Variants in CTNNA2 observed in about 807,000 individuals in gnomAD.
CTNNA2 encodes catenin alpha-2.
CTNNA2 carries 42 observed loss-of-function variants against 101.0 expected under a neutral mutation model. That is an observed-to-expected ratio of 0.42 (90% CI 0.32 to 0.54). The LOEUF (loss-of-function observed/expected upper bound fraction) is 0.54. CTNNA2 is among the 20% of genes least tolerant of loss of function. The pLI, the probability that CTNNA2 is intolerant of heterozygous loss-of-function variation, is 0.14. For missense variants in CTNNA2, 871 were observed against 1,223.1 expected (o/e 0.71, Z 4.29); for synonymous variants, 450 against 456.4 (o/e 0.99, Z 0.18).
At chr2:79,720,506 A>T (rs1338718486) in intron 2 of CTNNA2, among the ~76,000 whole-genome samples, 5 of 152,158 alleles carry the variant, frequency 3.3e-5, no homozygotes, top group African/African-American at 1.2e-4. Flanking sequence ...AACAAAATTA[A>T]TTCTTCCAAT....
chr2:80,386,154 A>G (rs1476282255), intron 7 of CTNNA2, among the ~76,000 whole-genome samples: 1 of 152,174 alleles, frequency 6.6e-6, no homozygotes, highest in Non-Finnish European at 1.5e-5. Flanking sequence ...TTCTTTGAAA[A>G]TGGATGCAGC....
At chr2:79,866,674 AT>A (rs1682124541) in intron 4 of CTNNA2, 1 of 152,312 alleles carries the variant, frequency 6.6e-6, no homozygotes, top group African/African-American at 2.4e-5. Context: ...CAAGAGTAAG[AT>A]AAAAACCTTT....
intron 7 of CTNNA2, among the ~76,000 whole-genome samples, chr2:80,377,732 A>G (rs1676096603): frequency 6.6e-6 from 1 of 152,230 alleles, no homozygotes; most frequent in South Asian, 2.1e-4. Flanking sequence ...GGAGACTAAG[A>G]TGAACCTTGG....
chr2:80,634,325 A>G (rs1672628804), intron 18 of CTNNA2, among the ~76,000 whole-genome samples: 2 of 152,140 alleles, frequency 1.3e-5, no homozygotes, highest in Non-Finnish European at 2.9e-5. Context: ...TGATATTTGG[A>G]TAAAGTTCAG....
At chr2:79,654,205 G>A (rs1490526854) in intron 2 of CTNNA2, among the ~76,000 whole-genome samples, 1 of 152,122 alleles carries the variant, frequency 6.6e-6, no homozygotes, top group Admixed American at 6.5e-5. Context: ...CAATTCCAAA[G>A]CCACTGTCTA....
At chr2:80,381,198 C>T (rs903558913) in intron 7 of CTNNA2, among the ~76,000 whole-genome samples, 2 of 151,560 alleles carry the variant, frequency 1.3e-5, no homozygotes, top group South Asian at 2.1e-4. Context: ...CCTGGCCTTC[C>T]CCCAGCTTGG....
intron 1 of CTNNA2, among the ~76,000 whole-genome samples, chr2:79,197,332 C>T (rs1673974506): frequency 6.6e-6 from 1 of 151,896 alleles, no homozygotes; most frequent in African/African-American, 2.4e-5. Flanking sequence ...AGGGAGCTAA[C>T]AAAAGGTGTA....
At chr2:80,419,806 T>G (rs2149406836) in intron 9 of CTNNA2, among the ~76,000 whole-genome samples, 1 of 152,134 alleles carries the variant, frequency 6.6e-6, no homozygotes, top group East Asian at 1.9e-4. Flanking sequence ...TGTCTCACAA[T>G]TCTAAGCATG....
intron 4 of CTNNA2, among the ~76,000 whole-genome samples, chr2:79,431,508 G>T (rs539326636): frequency 3.3e-5 from 5 of 152,126 alleles, no homozygotes; most frequent in African/African-American, 4.8e-5. Context: ...AAAACTATTC[G>T]CTCTTAAAAC....
At chr2:80,009,153 G>T (rs545108649) in intron 7 of CTNNA2, among the ~76,000 whole-genome samples, 35 of 152,314 alleles carry the variant, frequency 2.3e-4, no homozygotes, top group South Asian at 1.5e-3. Flanking sequence ...GCTTACCTGA[G>T]TATATGGTAC....
In CTNNA2 at chr2:80,366,235, C is replaced by G. The variant is rs149204364; in HGVS notation, c.1057-26976C>G. On this transcript the variant is annotated intron_variant, in intron 7 of 18. Transcript: ENST00000402739. ...ATATCTTCTTCATGGGCGTGCTCCT[C>G]TGAACATCAGCTCCTGAAGATTTTA... Among the ~76,000 whole-genome samples, 139 of 152,248 alleles carry G rather than the reference C, an allele frequency of 9.1e-4. 1 individual carries two copies. In the East Asian group the frequency reaches 0.025, roughly 27 times the overall value.
chr2:80,129,296 G>T (rs1702292159), intron 7 of CTNNA2, among the ~76,000 whole-genome samples: 1 of 152,220 alleles, frequency 6.6e-6, no homozygotes, highest in Admixed American at 6.5e-5. Context: ...CCCGCATTAA[G>T]CAGGAATTAC....
At chr2:79,510,706 T>G (rs897885724), upstream of CTNNA2, among the ~76,000 whole-genome samples, 7 of 152,236 alleles carry the variant, frequency 4.6e-5, no homozygotes, top group African/African-American at 1.7e-4. Flanking sequence ...ACCAAGGGTC[T>G]GAGAAATCAA....
At chr2:80,126,316 A>G (rs560034236) in intron 7 of CTNNA2, among the ~76,000 whole-genome samples, 9 of 152,244 alleles carry the variant, frequency 5.9e-5, no homozygotes, top group African/African-American at 9.6e-5. Context: ...ACTGTTTTAA[A>G]GCACTGCCAT....
intron 4 of CTNNA2, among the ~76,000 whole-genome samples, chr2:79,858,453 A>G (rs1383625685): frequency 6.6e-6 from 1 of 152,160 alleles, no homozygotes; most frequent in African/African-American, 2.4e-5. Flanking sequence ...GTAACAGTAC[A>G]TTCTTTTAGT....
chr2:79,457,054 T>C (rs1268027689), intron 4 of CTNNA2, among the ~76,000 whole-genome samples: 1 of 151,800 alleles, frequency 6.6e-6, no homozygotes, highest in East Asian at 1.9e-4. Context: ...CAAAAAAAAT[T>C]AGCCGGGCGC....
chr2:79,906,903 G>A (rs1685465055), intron 6 of CTNNA2, among the ~76,000 whole-genome samples: 1 of 152,188 alleles, frequency 6.6e-6, no homozygotes, highest in Non-Finnish European at 1.5e-5. Flanking sequence ...TTTGGCCAGG[G>A]AACCTTATTT....
Position 79,874,219 on chromosome 2 carries a change from G to T in CTNNA2, c.729G>T (p.Val243=), listed in dbSNP as rs781442248. ...VAATRANRDY[V]FKQVQEAIAG... ...CTACGAGAGCCAACCGAGATTATGTGTTCAAACAAGTCCAGGAGGCCATCG... is the reference window on the plus strand; with the variant it reads ...CTACGAGAGCCAACCGAGATTATGTTTTCAAACAAGTCCAGGAGGCCATCG... The change falls in exon 6 of 19, where the codon GTG becomes GTT. Residue 243 remains valine (V), a synonymous_variant. Transcript: ENST00000402739. 1 of 1,614,126 alleles carries T rather than the reference G, an allele frequency of 6.2e-7. No homozygotes were observed. Among genetic ancestry groups the T allele is most frequent in the South Asian group, 1.1e-5 (1 of 91,078 alleles).
Position 79,283,133 on chromosome 2 carries a change from A to G in CTNNA2, c.-405-29576A>G, listed in dbSNP as rs1308138072. ...TGTTTCTATCTAGTAAATTTGTTTG[A>G]GTTCATTGTAGATTCTGGATATTAG... On this transcript the variant is annotated intron_variant, in intron 2 of 21. Coordinates refer to the CTNNA2 transcript ENST00000466387. Among the ~76,000 whole-genome samples, 5 of 90,238 alleles carry G rather than the reference A, an allele frequency of 5.5e-5. No individual in the cohort carries two copies. In the East Asian group the frequency reaches 1.4e-3, roughly 25 times the overall value. 59.2% of individuals were successfully genotyped at this position (90,238 alleles called of 152,430 possible).
Sources: allele counts gnomAD v4.1 joint callset (sites outside exome capture counted in the v4.1 genomes callset), GRCh38; gene constraint gnomAD v4.1.1; transcripts MANE v1.5; gene names NCBI Gene and HGNC (gene_info 2026-07-23, HGNC 2026-07-21).